Variants in TLE2 observed in about 807,000 individuals in gnomAD.
TLE2 encodes transducin-like enhancer protein 2.
In TLE2, 74 loss-of-function variants were observed where a neutral mutation model predicts 97.2. The observed-to-expected ratio is 0.76, with a 90% CI of 0.63 to 0.92. The LOEUF is 0.92. Among genes scored for constraint, TLE2 ranks in the 40% least tolerant of loss-of-function variants. TLE2 has a pLI of 0.00. For missense variants in TLE2, 1,038 were observed against 1,008.7 expected, an observed-to-expected ratio of 1.03 and a Z score of -0.39; for synonymous variants, 499 against 432.1, an observed-to-expected ratio of 1.15 and a Z score of -1.92.
chr19:2,997,770 G>T lies in TLE2; in HGVS notation c.*78C>A. On this transcript the variant is annotated 3_prime_UTR_variant, in exon 20 of 20. Transcript: ENST00000262953. ...TACGGTTCCTAGGCAGGGCTGGGAGGCGGCTGCTAGGATGTCTGTCCTGGC... is the reference window on the plus strand; with the variant it reads ...TACGGTTCCTAGGCAGGGCTGGGAGTCGGCTGCTAGGATGTCTGTCCTGGC... 1 of 1,055,480 alleles carries T rather than the reference G, an allele frequency of 9.5e-7. No individual in the cohort carries two copies. The highest frequency in any genetic ancestry group is 1.4e-6 in the Non-Finnish European group (1 of 697,166). 65.4% of individuals were successfully genotyped at this position (1,055,480 alleles called of 1,614,324 possible).
rs1568251146 is a variant in TLE2 at position 3,028,426 on chromosome 19, T to TG, written c.123-45dup. The TG allele has an allele frequency of 2.6e-6, 4 of 1,548,388 alleles. No individual in the cohort carries two copies. In the Admixed American group the frequency reaches 7.8e-5, roughly 30 times the overall value. ...GCAAGGGGCTCCCACCCGCCCCATGTGGGCCGGCTTCCAAAGTGAGAGGCT... is the reference window on the plus strand; with the variant it reads ...GCAAGGGGCTCCCACCCGCCCCATGTGGGGCCGGCTTCCAAAGTGAGAGGCT... On this transcript the variant is annotated intron_variant, in intron 2 of 19. Transcript: ENST00000262953.
chr19:3,043,263 A>C (rs1180884742), intron 1 of TLE2, among the ~76,000 whole-genome samples: 1 of 151,588 alleles, frequency 6.6e-6, no homozygotes, highest in Non-Finnish European at 1.5e-5. Flanking sequence ...CCACAATCGT[A>C]CACTACCATG....
chr19:3,011,211 G>C, intron 11 of TLE2, 51 bp from the exon 12 acceptor site: 1 of 1,520,386 alleles, frequency 6.6e-7, no homozygotes, highest in Non-Finnish European at 8.8e-7. Flanking sequence ...GTGTCTTGTG[G>C]CCCAACGATC....
At chr19:3,020,350 G>A (rs1225356645) in intron 5 of TLE2, 1 of 152,462 alleles carries the variant, frequency 6.6e-6, no homozygotes, top group African/African-American at 2.4e-5. Flanking sequence ...GCACTACAAG[G>A]AGCCGAGCAG....
In TLE2 at chr19:3,010,101, C is replaced by T. The variant is rs188609899; in HGVS notation, c.1013-399G>A. On this transcript the variant is annotated intron_variant, in intron 12 of 19. Transcript: ENST00000262953. ...CAGGCCCACCGAGCACAGTGGCTCA[C>T]GCCTGTAATCCCAGCACTTTGGGAG... is the stretch of plus-strand genomic sequence containing the variant. 9.3e-4 allele frequency among the ~76,000 whole-genome samples: 141 copies of T among 151,348 alleles called. 1 individual carries two copies. Among genetic ancestry groups the T allele is most frequent in the African/African-American group, 3.2e-3 (132 of 41,232 alleles).
intron 8 of TLE2, among the ~76,000 whole-genome samples, chr19:3,016,554 C>T (rs549248531): frequency 2.1e-5 from 3 of 144,818 alleles, no homozygotes; most frequent in Admixed American, 7.0e-5. Context: ...TGCACCACTG[C>T]GCTCCAGCCT....
upstream of TLE2, among the ~76,000 whole-genome samples, chr19:3,033,207 G>A (rs1005124078): frequency 1.3e-5 from 2 of 151,292 alleles, no homozygotes; most frequent in Non-Finnish European, 2.9e-5. Context: ...TCACTCTGTC[G>A]CCCAGGCTGG....
At position 3,009,628 on chromosome 19, in the gene TLE2, C is replaced by T. The variant is rs779771902; in HGVS notation, c.1087G>A (p.Gly363Arg). 1.1e-5 allele frequency: 17 copies of T among 1,613,162 alleles called. No individual in the cohort carries two copies. Among genetic ancestry groups the T allele is most frequent in the East Asian group, 2.2e-5 (1 of 44,882 alleles). ...TAGGAGCTGGGCACGGAGAGGTCTCCGTTGAGAGTGCTGTGGGAGCCCAGG... is the reference window on the plus strand; with the variant it reads ...TAGGAGCTGGGCACGGAGAGGTCTCTGTTGAGAGTGCTGTGGGAGCCCAGG... ...FSLGSHSTLN[G>R]DLSVPSSYVS... Residue 363 changes from glycine to arginine, a missense_variant, in exon 13 of 20, where the codon GGA becomes AGA. Coordinates refer to ENST00000262953, the MANE Select transcript of TLE2 (RefSeq NM_003260.5).
Position 3,002,480 on chromosome 19 carries a change from A to G in TLE2, c.1920T>C (p.Pro640=). The G allele has an allele frequency of 6.3e-7, 1 of 1,589,986 alleles. No homozygotes were observed. Among genetic ancestry groups the G allele is most frequent in the Non-Finnish European group, 8.6e-7 (1 of 1,168,410 alleles). Residue 640 remains proline (P), a synonymous_variant, in exon 18 of 20, where the codon CCT becomes CCC. Transcript: ENST00000262953. ...SSQIFSLGHC[P]NQDWLAVGME... ...TTCCGACCGCCAGCCAGTCCTGGTTAGGGCAGTGGCCCAGGGAGAAAATCT... is the reference window on the plus strand; with the variant it reads ...TTCCGACCGCCAGCCAGTCCTGGTTGGGGCAGTGGCCCAGGGAGAAAATCT...
chr19:2,998,278 AT>A (rs147412730), intron 19 of TLE2, among the ~76,000 whole-genome samples: 6,141 of 106,630 alleles, frequency 0.058, 503 homozygotes, highest in African/African-American at 0.24. Flanking sequence ...TGTGTGTGTA[AT>A]TTTTTTTTTT....
chr19:3,037,477 C>T (rs904350216), intron 1 of TLE2, among the ~76,000 whole-genome samples: 2 of 152,188 alleles, frequency 1.3e-5, no homozygotes, highest in African/African-American at 4.8e-5. Context: ...GGCTCTGACC[C>T]CTAGCTTTGC....
chr19:3,000,780 T>A, intron 18 of TLE2, 57 bp from the exon 19 acceptor site: 1 of 1,399,768 alleles, frequency 7.1e-7, no homozygotes, highest in Non-Finnish European at 9.9e-7. Flanking sequence ...AGACCCGGGC[T>A]GCAGGGGGAG....
At chr19:3,046,363 T>A (rs1021387807), upstream of TLE2, among the ~76,000 whole-genome samples, 1 of 152,240 alleles carries the variant, frequency 6.6e-6, no homozygotes, top group Admixed American at 6.5e-5. Context: ...CCGGCCTGAC[T>A]GTGAATGTCT....
In TLE2 at chr19:3,005,911, C is replaced by T; in HGVS notation, c.1558G>A (p.Val520Met). 1.2e-6 allele frequency: 2 copies of T among 1,613,312 alleles called. No homozygotes were observed. The highest frequency in any genetic ancestry group is 1.1e-5 in the South Asian group (1 of 91,058). ...GACAAGGTGCTGGCCTCACCGCCCA[C>T]GATCAGACTCCGGCCATCCGGCAGC... ...KLLPDGRSLIVGGEASTLSIW... is the reference protein window; with the variant it reads ...KLLPDGRSLIMGGEASTLSIW... The change falls in exon 16 of 20, where the codon GTG (valine) becomes ATG (methionine). Residue 520 changes from valine to methionine, a missense_variant. Transcript: ENST00000262953.
intron 15 of TLE2, 116 bp from the exon 16 acceptor site, chr19:3,006,084 AAGCCCTACCCTGATTGGCTGGTG>A (rs755960327): frequency 7.7e-7 from 1 of 1,295,422 alleles, no homozygotes; most frequent in South Asian, 1.2e-5. Flanking sequence ...ATTAGCCTGC[AAGCCCTACCCTGATTGGCTGGTG>A]AGCCCCGCCC....
intron 18 of TLE2, among the ~76,000 whole-genome samples, chr19:3,001,145 C>A (rs1045148767): frequency 6.6e-6 from 1 of 151,722 alleles, no homozygotes; most frequent in African/African-American, 2.4e-5. Flanking sequence ...TTGTGGCAGG[C>A]ACCTGTAACT....
chr19:2,999,688 C>G (rs1198052975), intron 19 of TLE2, among the ~76,000 whole-genome samples: 1 of 147,402 alleles, frequency 6.8e-6, no homozygotes, highest in Non-Finnish European at 1.5e-5. Context: ...GATAGTGCCG[C>G]TGCACTCCAG....
chr19:3,013,652 C>T lies in TLE2; in HGVS notation c.873+17G>A, dbSNP rs867764219. 7.4e-7 allele frequency: 1 copy of T among 1,356,046 alleles called. No homozygotes were observed. The highest frequency in any genetic ancestry group is 9.6e-7 in the Non-Finnish European group (1 of 1,044,610). The allele number at this position is 1,356,046 out of a possible 1,614,324, so 84.0% of individuals were successfully genotyped here. A position where few individuals can be genotyped will look rare whatever the true frequency, so the allele number is the denominator to read the frequency against. ...GGATGAATAAAGTGAGTTTCAAGGC[C>T]CTCCCCTCCTCCTTACCAGGATGAG... is the stretch of plus-strand genomic sequence containing the variant. On this transcript the variant is annotated intron_variant, in intron 11 of 19. Transcript: ENST00000262953.
chr19:2,999,868 A>G lies in TLE2; in HGVS notation c.2124+779T>C, dbSNP rs148136151. 6.7e-3 allele frequency among the ~76,000 whole-genome samples: 995 copies of G among 148,428 alleles called. 8 individuals are homozygous for G. The highest frequency in any genetic ancestry group is 0.023 in the African/African-American group (942 of 40,354). On this transcript the variant is annotated intron_variant, in intron 19 of 19. Transcript: ENST00000262953. ...GACAACATGGTGAAACCCCCTCTCTACTGAAAATACAAAAATTAGCCAGGC... is the reference window on the plus strand; with the variant it reads ...GACAACATGGTGAAACCCCCTCTCTGCTGAAAATACAAAAATTAGCCAGGC...
Sources: gnomAD v4.1 joint callset for allele counts (sites outside exome capture counted in the v4.1 genomes callset) on GRCh38, gnomAD v4.1.1 for gene constraint, MANE v1.5 for transcripts, NCBI Gene and HGNC (gene_info 2026-07-23, HGNC 2026-07-21) for gene names.